PTK2B: variants seen among roughly 807,000 people sequenced by gnomAD.
PTK2B encodes the protein protein-tyrosine kinase 2-beta.
PTK2B carries 71 observed loss-of-function variants against 142.9 expected under a neutral mutation model. That is an observed-to-expected ratio of 0.50 (90% confidence interval 0.41 to 0.61). PTK2B has a LOEUF of 0.61. Among genes scored for constraint, PTK2B ranks in the 20% least tolerant of loss-of-function variants. PTK2B has a pLI of 0.00. For synonymous variants in PTK2B, 519 were observed against 503.4 expected (o/e 1.03, Z -0.42); for missense variants, 1,105 against 1,320.4 (o/e 0.84, Z 2.53).
In PTK2B at chr8:27,375,492, C is replaced by T. The variant is rs57672013; in HGVS notation, c.-37-22056C>T. Among the ~76,000 whole-genome samples the T allele has an allele frequency of 3.4e-3, 512 of 152,306 alleles. 3 individuals are homozygous for T. Among genetic ancestry groups the T allele is most frequent in the African/African-American group, 0.012 (491 of 41,554 alleles). On this transcript the variant is annotated intron_variant, in intron 1 of 30. Coordinates refer to ENST00000346049, the MANE Select transcript of PTK2B (RefSeq NM_173176.3). ...TGTTCAAATAAAGATCCCTTTGCCC[C>T]ACCCACTAGTTCTGACCTGTAGATC...
intron 1 of PTK2B, among the ~76,000 whole-genome samples, chr8:27,366,827 C>T (rs1223660877): frequency 6.6e-6 from 1 of 151,234 alleles, no homozygotes; most frequent in African/African-American, 2.4e-5. Flanking sequence ...GAGCAGAGGG[C>T]AATGCTGGGC....
chr8:27,339,749 A>G (rs1804283915), intron 1 of PTK2B, among the ~76,000 whole-genome samples: 1 of 152,348 alleles, frequency 6.6e-6, no homozygotes, highest in East Asian at 1.9e-4. Context: ...GGGACAGTAC[A>G]CAGCAATGTG....
chr8:27,389,659 A>G (rs1268076640), intron 1 of PTK2B, among the ~76,000 whole-genome samples: 1 of 152,212 alleles, frequency 6.6e-6, no homozygotes, highest in Non-Finnish European at 1.5e-5. Flanking sequence ...GTAAAGTCTC[A>G]ACAAATGCGT....
At chr8:27,375,543 C>T (rs1344538533) in intron 1 of PTK2B, among the ~76,000 whole-genome samples, 1 of 152,190 alleles carries the variant, frequency 6.6e-6, no homozygotes, top group Non-Finnish European at 1.5e-5. Flanking sequence ...GTGTTTCCCT[C>T]GAGGAACATC....
At chr8:27,429,023 G>A (rs1810249590) in intron 5 of PTK2B, among the ~76,000 whole-genome samples, 1 of 152,124 alleles carries the variant, frequency 6.6e-6, no homozygotes, top group South Asian at 2.1e-4. Flanking sequence ...GGGTTCAAGT[G>A]ATTCTCCTGC....
chr8:27,443,086 C>T, intron 22 of PTK2B, 103 bp downstream of exon 22: 1 of 703,354 alleles, frequency 1.4e-6, no homozygotes, highest in East Asian at 2.7e-5. Context: ...CCCCCTACAG[C>T]CCTTTCTCAG....
At chr8:27,355,898 C>G (rs1174509592) in intron 1 of PTK2B, among the ~76,000 whole-genome samples, 1 of 151,948 alleles carries the variant, frequency 6.6e-6, no homozygotes, top group Non-Finnish European at 1.5e-5. Flanking sequence ...TGGCAGGCAC[C>G]TGTAATCTCA....
intron 1 of PTK2B, among the ~76,000 whole-genome samples, chr8:27,330,666 C>A (rs1201427200): frequency 2.6e-5 from 4 of 152,124 alleles, no homozygotes; most frequent in Non-Finnish European, 4.4e-5. Context: ...TTGAGTCACT[C>A]TGCTATTTCT....
At chr8:27,396,228 G>A (rs940429076) in intron 1 of PTK2B, 3 of 152,084 alleles carry the variant, frequency 2.0e-5, no homozygotes, top group Admixed American at 1.3e-4. Flanking sequence ...TGAAGCTAAT[G>A]GCTATCTAAA....
chr8:27,381,292 T>C (rs1249455457), intron 1 of PTK2B, among the ~76,000 whole-genome samples: 2 of 152,182 alleles, frequency 1.3e-5, no homozygotes, highest in African/African-American at 4.8e-5. Context: ...AGTCCTCCTA[T>C]CTAGCTTTAA....
intron 1 of PTK2B, among the ~76,000 whole-genome samples, chr8:27,348,456 C>T (rs1804845447): frequency 6.6e-6 from 1 of 152,184 alleles, no homozygotes; most frequent in Admixed American, 6.5e-5. Flanking sequence ...CACACACCTC[C>T]TGGAACTCCA....
chr8:27,324,136 T>C (rs192763551), upstream of PTK2B, among the ~76,000 whole-genome samples: 28 of 152,344 alleles, frequency 1.8e-4, no homozygotes, highest in Admixed American at 1.6e-3. Flanking sequence ...TGTAGTCAAT[T>C]ACCTGCCTCC....
upstream of PTK2B, chr8:27,322,904 GTTTAC>G (rs1202064527): frequency 6.6e-6 from 1 of 152,234 alleles, no homozygotes; most frequent in East Asian, 1.9e-4. Flanking sequence ...TTCACTTTCA[GTTTAC>G]TTATCAGCCC....
intron 1 of PTK2B, among the ~76,000 whole-genome samples, chr8:27,364,422 A>AT (rs1805898272): frequency 6.6e-6 from 1 of 152,248 alleles, no homozygotes; most frequent in Non-Finnish European, 1.5e-5. Flanking sequence ...AAGGGTAAAC[A>AT]TAGCACATTT....
At chr8:27,434,027 G>A in intron 11 of PTK2B, 66 bp from the exon 12 acceptor site, 7 of 1,547,114 alleles carry the variant, frequency 4.5e-6, no homozygotes, top group Non-Finnish European at 6.3e-6. Flanking sequence ...ATAGTGAGGA[G>A]GTCAGTCACC....
chr8:27,324,781 T>A (rs1246452096), upstream of PTK2B, among the ~76,000 whole-genome samples: 1 of 152,190 alleles, frequency 6.6e-6, no homozygotes, highest in Non-Finnish European at 1.5e-5. Context: ...TTTTTTCACT[T>A]TATGCCAAGT....
At chr8:27,391,976 TG>T (rs1204048742) in intron 1 of PTK2B, among the ~76,000 whole-genome samples, 1 of 152,160 alleles carries the variant, frequency 6.6e-6, no homozygotes, top group Admixed American at 6.5e-5. Flanking sequence ...TCCGACGGTC[TG>T]GGGCAGACCA....
At chr8:27,357,274 C>A (rs2130681658) in intron 1 of PTK2B, among the ~76,000 whole-genome samples, 1 of 152,236 alleles carries the variant, frequency 6.6e-6, no homozygotes, top group South Asian at 2.1e-4. Flanking sequence ...ACAAAAAATA[C>A]TGACAAATTA....
intron 3 of PTK2B, among the ~76,000 whole-genome samples, chr8:27,316,662 T>C (rs189688208): frequency 1.3e-5 from 2 of 152,332 alleles, no homozygotes; most frequent in East Asian, 3.9e-4. Flanking sequence ...AGTAAATCTT[T>C]GAGGAAATCA....
Sources: allele counts gnomAD v4.1 joint callset (sites outside exome capture counted in the v4.1 genomes callset), GRCh38; gene constraint gnomAD v4.1.1; transcripts MANE v1.5; gene names NCBI Gene and HGNC (gene_info 2026-07-23, HGNC 2026-07-21).